VPS50: variants seen among roughly 807,000 people sequenced by gnomAD.
VPS50 encodes VPS50 subunit of EARP/GARPII complex, also known as syndetin.
A neutral mutation model predicts 139.7 loss-of-function variants in VPS50; 70 were observed. The ratio of observed to expected loss-of-function variants is 0.50; its 90% CI spans 0.41 to 0.61. VPS50 has a LOEUF of 0.61. Among genes scored for constraint, VPS50 ranks in the 20% least tolerant of loss-of-function variants. The pLI, the probability that VPS50 is intolerant of heterozygous loss-of-function variation, is 0.00. For synonymous variants in VPS50, 365 were observed against 376.7 expected (o/e 0.97, Z 0.36); for missense variants, 921 against 1,133.7 (o/e 0.81, Z 2.69).
chr7:93,314,815 C>T (rs951823143), intron 20 of VPS50, among the ~76,000 whole-genome samples: 2 of 151,892 alleles, frequency 1.3e-5, no homozygotes, highest in African/African-American at 4.8e-5. Context: ...ACAAGAGATC[C>T]ACTCCTTCAT....
intron 20 of VPS50, among the ~76,000 whole-genome samples, chr7:93,321,949 G>A (rs1186675201): frequency 6.6e-6 from 1 of 152,056 alleles, no homozygotes; most frequent in African/African-American, 2.4e-5. Context: ...TTGTAGCTGA[G>A]GAAATACCTG....
At chr7:93,351,985 T>C (rs1798574485) in intron 25 of VPS50, among the ~76,000 whole-genome samples, 1 of 152,218 alleles carries the variant, frequency 6.6e-6, no homozygotes, top group Non-Finnish European at 1.5e-5. Flanking sequence ...GTGATAACTT[T>C]TGTTCTTTCT....
chr7:93,312,284 A>T (rs1415234854), intron 20 of VPS50, among the ~76,000 whole-genome samples: 1 of 152,156 alleles, frequency 6.6e-6, no homozygotes, highest in East Asian at 1.9e-4. Context: ...CTTCCAAGAG[A>T]ACTGACTGAA....
Position 93,259,635 on chromosome 7 carries a change from A to G in VPS50, c.659+3A>G. On this transcript the variant is annotated splice_donor_region_variant and intron_variant, in intron 9 of 27. Coordinates refer to ENST00000305866, the MANE Select transcript of VPS50 (RefSeq NM_017667.4). ...TTTAAACATTACAGTTGTATAAGGT[A>G]AGGTCATGTAAATGTTTTAAAGCAG... 1.3e-6 allele frequency: 2 copies of G among 1,511,076 alleles called. No individual in the cohort carries two copies. Among genetic ancestry groups the G allele is most frequent in the Non-Finnish European group, 1.8e-6 (2 of 1,088,242 alleles). 93.6% of individuals were successfully genotyped at this position (1,511,076 alleles called of 1,614,324 possible). A position where few individuals can be genotyped will look rare whatever the true frequency, so the allele number is the denominator to read the frequency against.
chr7:93,272,223 G>A (rs1385784126), intron 10 of VPS50, among the ~76,000 whole-genome samples: 1 of 151,768 alleles, frequency 6.6e-6, no homozygotes, highest in East Asian at 1.9e-4. Flanking sequence ...ATGTAGTTTT[G>A]TTGAGAATTC....
intron 16 of VPS50, among the ~76,000 whole-genome samples, chr7:93,300,465 ATT>A (rs1361205880): frequency 1.3e-5 from 2 of 152,166 alleles, no homozygotes; most frequent in African/African-American, 4.8e-5. Flanking sequence ...ATATTGGCAA[ATT>A]TAATTCAGTG....
intron 4 of VPS50, 164 bp from the exon 5 acceptor site, chr7:93,256,345 T>G (rs1795481858): frequency 2.3e-6 from 1 of 426,440 alleles, no homozygotes; most frequent in Non-Finnish European, 4.1e-6. Context: ...TTTTACTAAT[T>G]TCATAGCCCA....
intron 14 of VPS50, 150 bp from the exon 15 acceptor site, chr7:93,296,592 G>A (rs181500498): frequency 1.4e-6 from 2 of 1,379,580 alleles, no homozygotes; most frequent in East Asian, 2.7e-5. Flanking sequence ...ATCCCTTAAG[G>A]ATGTTGGCTA....
intron 1 of VPS50, among the ~76,000 whole-genome samples, chr7:93,236,890 T>C (rs1001890667): frequency 1.3e-5 from 2 of 150,780 alleles, no homozygotes; most frequent in Non-Finnish European, 1.5e-5. Context: ...GCTTGAGATA[T>C]ATGAGACAGT....
At chr7:93,354,837 C>A (rs1331923277) in intron 26 of VPS50, among the ~76,000 whole-genome samples, 1 of 152,056 alleles carries the variant, frequency 6.6e-6, no homozygotes, top group Non-Finnish European at 1.5e-5. Flanking sequence ...ATTTCAAAGA[C>A]CCTGTACAGT....
chr7:93,345,595 C>T (rs1052123151), intron 23 of VPS50, among the ~76,000 whole-genome samples: 3 of 152,206 alleles, frequency 2.0e-5, no homozygotes, highest in South Asian at 2.1e-4. Context: ...ACTGGCAAAC[C>T]GAATCCAGCA....
intron 1 of VPS50, among the ~76,000 whole-genome samples, chr7:93,236,459 AT>A (rs1352331350): frequency 6.6e-6 from 1 of 152,220 alleles, no homozygotes; most frequent in East Asian, 1.9e-4. Context: ...ATGAGGATTA[AT>A]GTAGACATAA....
At chr7:93,352,696 A>G (rs969540464) in intron 25 of VPS50, among the ~76,000 whole-genome samples, 2 of 152,200 alleles carry the variant, frequency 1.3e-5, no homozygotes, top group Non-Finnish European at 2.9e-5. Flanking sequence ...GACCAAAAAC[A>G]CATCCATTGA....
chr7:93,269,055 G>C (rs1795927749), intron 9 of VPS50, among the ~76,000 whole-genome samples: 1 of 152,112 alleles, frequency 6.6e-6, no homozygotes, highest in Non-Finnish European at 1.5e-5. Flanking sequence ...GCTGTGAATT[G>C]AGACAGAGAA....
intron 24 of VPS50, 22 bp from the exon 25 acceptor site, chr7:93,349,848 TTTTCA>T (rs758475641): frequency 3.3e-5 from 52 of 1,585,720 alleles, no homozygotes; most frequent in Middle Eastern, 1.7e-4. Flanking sequence ...AAAATAATTG[TTTTCA>T]TTTTTGTGAA....
Position 93,358,399 on chromosome 7 carries a change from T to C in VPS50, c.2858T>C (p.Leu953Pro). ...AATAAGAAAGCAAGACAAAAACTTC[T>C]AGCAGCTATAGATGATATAGACAGA... ...HINKKARQKL[L>P]AAIDDIDRPK... The change falls in exon 28 of 28, where the codon CTA (leucine) becomes CCA (proline). Residue 953 changes from leucine to proline, a missense_variant. Transcript: ENST00000305866. 1 of 1,611,604 alleles carries C rather than the reference T, an allele frequency of 6.2e-7. No homozygotes were observed. The highest frequency in any genetic ancestry group is 1.1e-5 in the South Asian group (1 of 91,018).
chr7:93,252,781 C>A lies in VPS50; in HGVS notation c.225+6C>A, dbSNP rs748287541. Reference sequence around the variant, plus strand: ...TTGTTAAATATGAGCTGGAGGTAAACAGAATTTCATTAAAACATAACTAAG... The same window carrying A: ...TTGTTAAATATGAGCTGGAGGTAAAAAGAATTTCATTAAAACATAACTAAG... On this transcript the variant is annotated splice_donor_region_variant and intron_variant, in intron 3 of 27. Transcript: ENST00000305866. 1 of 1,574,792 alleles carries A rather than the reference C, an allele frequency of 6.4e-7. No individual in the cohort carries two copies. The highest frequency in any genetic ancestry group is 1.2e-5 in the South Asian group (1 of 85,470).
At chr7:93,317,926 T>C (rs974275688) in intron 20 of VPS50, among the ~76,000 whole-genome samples, 2 of 152,140 alleles carry the variant, frequency 1.3e-5, no homozygotes, top group South Asian at 2.1e-4. Context: ...TACTTTCTTA[T>C]GTGTTTTGAA....
intron 9 of VPS50, among the ~76,000 whole-genome samples, chr7:93,269,452 A>C (rs554162948): frequency 5.3e-5 from 8 of 152,206 alleles, no homozygotes; most frequent in African/African-American, 1.9e-4. Flanking sequence ...ACTAGAGAAT[A>C]TACTCTCCAG....
Sources: allele counts gnomAD v4.1 joint callset (sites outside exome capture counted in the v4.1 genomes callset), GRCh38; gene constraint gnomAD v4.1.1; transcripts MANE v1.5; gene names NCBI Gene and HGNC (gene_info 2026-07-23, HGNC 2026-07-21).